The following OSBPL3 variants were observed in gnomAD, a reference collection of about 807,000 sequenced individuals.
OSBPL3 encodes oxysterol binding protein like 3.
A neutral mutation model predicts 120.1 loss-of-function variants in OSBPL3; 65 were observed. That is an observed-to-expected ratio of 0.54 (90% confidence interval 0.44 to 0.67). OSBPL3 has a LOEUF of 0.67. Ranked by LOEUF, OSBPL3 falls within the 30% of genes least tolerant of loss-of-function variation. The probability of loss-of-function intolerance (pLI) is 0.00; values close to 1 mark genes in which losing one functional copy is unlikely to be tolerated. For synonymous variants in OSBPL3, 416 were observed against 402.6 expected, an observed-to-expected ratio of 1.03 and a Z score of -0.40; for missense variants, 1,004 against 1,082.1, an observed-to-expected ratio of 0.93 and a Z score of 1.01.
At chr7:24,926,433 T>C (rs1396881673) in intron 1 of OSBPL3, among the ~76,000 whole-genome samples, 1 of 152,168 alleles carries the variant, frequency 6.6e-6, no homozygotes, top group Non-Finnish European at 1.5e-5. Context: ...AAAAAAAGCT[T>C]TCCAGATGAT....
At chr7:24,901,246 G>A (rs922020659) in intron 1 of OSBPL3, among the ~76,000 whole-genome samples, 1 of 150,766 alleles carries the variant, frequency 6.6e-6, no homozygotes, top group African/African-American at 2.5e-5. Flanking sequence ...AGAATTGCTT[G>A]AACCCAGGAG....
In OSBPL3 at chr7:24,896,634, T is replaced by C. The variant is rs117845302; in HGVS notation, c.-149-4013A>G. On this transcript the variant is annotated intron_variant, in intron 1 of 22. Coordinates refer to ENST00000313367, the MANE Select transcript of OSBPL3 (RefSeq NM_015550.4). The surrounding 1 kb of genome is among the most constrained non-coding windows in gnomAD (Gnocchi z 4.4). ...TGTAAAGGTGACATCACATACTATA[T>C]ATGTGTGCTGGAAGGAGTCAGACCT... Among the ~76,000 whole-genome samples the C allele has an allele frequency of 7.3e-4, 111 of 152,342 alleles. 1 individual carries two copies. Among genetic ancestry groups the C allele is most frequent in the Non-Finnish European group, 1.2e-3 (79 of 68,034 alleles).
rs181267561 is a variant in OSBPL3, at chr7:24,862,830, A to T, written c.870+370T>A. Among the ~76,000 whole-genome samples, 5 of 152,266 alleles carry T rather than the reference A, an allele frequency of 3.3e-5. No homozygotes were observed. The highest frequency in any genetic ancestry group is 4.2e-4 in the South Asian group (2 of 4,816). On this transcript the variant is annotated intron_variant, in intron 9 of 22. Transcript: ENST00000313367. This position sits in a 1 kb window ranked among gnomAD's most constrained non-coding sequence, Gnocchi z 4.4. Reference sequence around the variant, plus strand: ...CAAATCCATGGAGCATCAGCGGAAGACACAGGTCACAGCACACAGCAACTG... The same window carrying T: ...CAAATCCATGGAGCATCAGCGGAAGTCACAGGTCACAGCACACAGCAACTG...
In OSBPL3 at chr7:24,834,535, C is replaced by T; in HGVS notation, c.1697G>A (p.Ser566Asn). 1 of 1,614,032 alleles carries T rather than the reference C, an allele frequency of 6.2e-7. No homozygotes were observed. Among genetic ancestry groups the T allele is most frequent in the Non-Finnish European group, 8.5e-7 (1 of 1,179,950 alleles). ...CTGCGCGGCCTTGTCCAGGAGCTCGCTGTACTCCAGCTCCTCGCAGAGCCT... is the reference window on the plus strand; with the variant it reads ...CTGCGCGGCCTTGTCCAGGAGCTCGTTGTACTCCAGCTCCTCGCAGAGCCT... ...LQRLCEELEY[S>N]ELLDKAAQIP... is the part of the protein sequence containing the mutation. Residue 566 changes from serine (S) to asparagine (N), a missense_variant, in exon 15 of 23, where the codon AGC (serine) becomes AAC (asparagine). This residue lies in a region of OSBPL3 where 473 missense variants were observed against 568.0 expected (regional missense o/e 0.83). Coordinates refer to ENST00000313367, the MANE Select transcript of OSBPL3 (RefSeq NM_015550.4). The surrounding 1 kb of genome is among the most constrained non-coding windows in gnomAD (Gnocchi z 5.2).
chr7:24,869,065 C>A (rs1801753989), intron 5 of OSBPL3, among the ~76,000 whole-genome samples: 1 of 152,144 alleles, frequency 6.6e-6, no homozygotes. Context: ...CTGACTGAGT[C>A]TAATAACTAG....
At chr7:24,807,679 T>G (rs562464036) in intron 20 of OSBPL3, among the ~76,000 whole-genome samples, 1 of 152,314 alleles carries the variant, frequency 6.6e-6, no homozygotes, top group African/African-American at 2.4e-5. Flanking sequence ...ATAAATGTTA[T>G]TCTTTTCTTC....
At chr7:24,865,488 A>G (rs572083758) in intron 6 of OSBPL3, 23 bp from the exon 7 acceptor site, 15 of 1,611,312 alleles carry the variant, frequency 9.3e-6, no homozygotes, top group Non-Finnish European at 1.3e-5. Flanking sequence ...TGACAAAAGC[A>G]CATTGTAAAT....
rs56135680 is a variant in OSBPL3 at position 24,947,778 on chromosome 7, T to TCACACACACACACACA, written c.-150+32092_-150+32107dup. Among the ~76,000 whole-genome samples the TCACACACACACACACA allele has an allele frequency of 2.0e-5, 3 of 148,122 alleles. No individual in the cohort carries two copies. The highest frequency in any genetic ancestry group is 7.5e-5 in the African/African-American group (3 of 40,040). The stretch of plus-strand genomic sequence containing the variant: ...ATGTATACATACATATCCAATTAAA[T>TCACACACACACACACA]CACACACACACACACACACACACAC... On this transcript the variant is annotated intron_variant, in intron 1 of 22. Coordinates refer to ENST00000313367, the MANE Select transcript of OSBPL3 (RefSeq NM_015550.4). The surrounding 1 kb of genome is among the most constrained non-coding windows in gnomAD (Gnocchi z 4.4).
In OSBPL3 at chr7:24,900,326, CT is replaced by C. The variant is rs1196675529; in HGVS notation, c.-149-7706del. ...CCTCGAGTAATGTTGTTTTATTTAA[CT>C]TTGTTATTTAGAAGTTTGGTGATGT... On this transcript the variant is annotated intron_variant, in intron 1 of 22. Coordinates refer to ENST00000313367, the MANE Select transcript of OSBPL3 (RefSeq NM_015550.4). The surrounding 1 kb of genome is among the most constrained non-coding windows in gnomAD (Gnocchi z 4.5). Among the ~76,000 whole-genome samples the C allele has an allele frequency of 6.6e-6, 1 of 152,100 alleles. No homozygotes were observed. Among genetic ancestry groups the C allele is most frequent in the Non-Finnish European group, 1.5e-5 (1 of 68,006 alleles).
chr7:24,824,389 T>C lies in OSBPL3; in HGVS notation c.1885-4151A>G, dbSNP rs1443944697. 6.6e-6 allele frequency among the ~76,000 whole-genome samples: 1 copy of C among 152,174 alleles called. No homozygotes were observed. Among genetic ancestry groups the C allele is most frequent in the Non-Finnish European group, 1.5e-5 (1 of 68,030 alleles). ...TAGGAAAAGGAGGTATTTTCAGTAT[T>C]TTTGTACTTTGTAAGTTTTTATTTT... On this transcript the variant is annotated intron_variant, in intron 16 of 22. Transcript: ENST00000313367. The surrounding 1 kb of genome is among the most constrained non-coding windows in gnomAD (Gnocchi z 4.9).
At chr7:24,842,163 A>C (rs1235673961) in intron 13 of OSBPL3, 116 bp downstream of exon 13, 25 of 1,038,292 alleles carry the variant, frequency 2.4e-5, no homozygotes, top group Non-Finnish European at 3.6e-5. Flanking sequence ...GAACATAATG[A>C]CTACAAAGGG....
Position 24,806,968 on chromosome 7 carries a change from A to G in OSBPL3, c.2318-66T>C. 1 of 1,433,318 alleles carries G rather than the reference A, an allele frequency of 7.0e-7. No individual in the cohort carries two copies. Among genetic ancestry groups the G allele is most frequent in the Non-Finnish European group, 9.4e-7 (1 of 1,061,536 alleles). 88.8% of individuals were successfully genotyped at this position (1,433,318 alleles called of 1,614,324 possible). A position where few individuals can be genotyped will look rare whatever the true frequency, so the allele number is the denominator to read the frequency against. ...ACTTATGTTACATTTTAATTCCTTC[A>G]CCTTTTTCGTCTCAGCCTAGCTACA... On this transcript the variant is annotated intron_variant, in intron 20 of 22. Transcript: ENST00000313367. This position sits in a 1 kb window ranked among gnomAD's most constrained non-coding sequence, Gnocchi z 5.2.
intron 2 of OSBPL3, among the ~76,000 whole-genome samples, chr7:24,888,027 G>C (rs1398262443): frequency 6.6e-6 from 1 of 152,170 alleles, no homozygotes; most frequent in Non-Finnish European, 1.5e-5. Flanking sequence ...TTTTATTAAT[G>C]TGTAGAGTAA....
Position 24,855,380 on chromosome 7 carries a change from T to A in OSBPL3, c.1028-2746A>T, listed in dbSNP as rs762391780. Among the ~76,000 whole-genome samples the A allele has an allele frequency of 6.6e-6, 1 of 152,210 alleles. No individual in the cohort carries two copies. Among genetic ancestry groups the A allele is most frequent in the Non-Finnish European group, 1.5e-5 (1 of 68,032 alleles). ...GCTTTCCACCAAATGAGAAGAGTCC[T>A]ACATAAATTTTAAAAACTGGCAGAA... On this transcript the variant is annotated intron_variant, in intron 10 of 22. Coordinates refer to ENST00000313367, the MANE Select transcript of OSBPL3 (RefSeq NM_015550.4). This position sits in a 1 kb window ranked among gnomAD's most constrained non-coding sequence, Gnocchi z 4.3.
Position 24,964,426 on chromosome 7 carries a change from ATCT to A in OSBPL3, c.-150+15457_-150+15459del, listed in dbSNP as rs1458534680. 3.3e-5 allele frequency among the ~76,000 whole-genome samples: 5 copies of A among 152,326 alleles called. No homozygotes were observed. In the East Asian group the frequency reaches 9.6e-4, roughly 29 times the overall value. On this transcript the variant is annotated intron_variant, in intron 1 of 22. Transcript: ENST00000313367. The surrounding 1 kb of genome is among the most constrained non-coding windows in gnomAD (Gnocchi z 4.2). ...ATGAGAATGGCATTTTACCTCTGTA[ATCT>A]TCTTCCCCAAAACCCATAACCCCAG...
chr7:24,939,033 G>A lies in OSBPL3; in HGVS notation c.-150+40853C>T, dbSNP rs1812782339. Among the ~76,000 whole-genome samples, 1 of 152,128 alleles carries A rather than the reference G, an allele frequency of 6.6e-6. No individual in the cohort carries two copies. Among genetic ancestry groups the A allele is most frequent in the South Asian group, 2.1e-4 (1 of 4,818 alleles). ...TAAAGATTAAAGAATTTTTAGCACAGAGATATTGGATGAAATCATAGGAAC... is the reference window on the plus strand; with the variant it reads ...TAAAGATTAAAGAATTTTTAGCACAAAGATATTGGATGAAATCATAGGAAC... On this transcript the variant is annotated intron_variant, in intron 1 of 22. Transcript: ENST00000313367. The surrounding 1 kb of genome is among the most constrained non-coding windows in gnomAD (Gnocchi z 4.2).
At chr7:24,957,381 G>A (rs374856840) in intron 1 of OSBPL3, among the ~76,000 whole-genome samples, 1 of 152,078 alleles carries the variant, frequency 6.6e-6, no homozygotes, top group Non-Finnish European at 1.5e-5. Flanking sequence ...TACTTCTTTC[G>A]TAATGAATTC....
At chr7:24,962,537 GC>G (rs1289032067) in intron 1 of OSBPL3, among the ~76,000 whole-genome samples, 1 of 151,842 alleles carries the variant, frequency 6.6e-6, no homozygotes, top group East Asian at 1.9e-4. Context: ...GACAACTCTG[GC>G]CCCAGTAGCT....
At chr7:24,919,327 A>G (rs1204248969) in intron 1 of OSBPL3, among the ~76,000 whole-genome samples, 1 of 152,164 alleles carries the variant, frequency 6.6e-6, no homozygotes, top group Non-Finnish European at 1.5e-5. Context: ...CAGTGGAATA[A>G]GATTGAGAAT....
Sources: allele counts gnomAD v4.1 joint callset (sites outside exome capture counted in the v4.1 genomes callset), GRCh38; gene constraint gnomAD v4.1.1; regional missense constraint gnomAD v4.1.1; non-coding constraint Gnocchi (gnomAD v3.1); transcripts MANE v1.5; gene names NCBI Gene and HGNC (gene_info 2026-07-23, HGNC 2026-07-21).